The following ASPHD1 variants were observed in gnomAD, a reference collection of about 807,000 sequenced individuals.
ASPHD1 encodes the protein aspartate beta-hydroxylase domain containing 1.
In ASPHD1, 20 loss-of-function variants were observed where a neutral mutation model predicts 28.3. That is an observed-to-expected ratio of 0.71 (90% CI 0.50 to 1.03). The LOEUF (loss-of-function observed/expected upper bound fraction) is 1.03, where lower values mean the gene tolerates loss of function less well. ASPHD1 is among the 50% of genes least tolerant of loss of function. The pLI is 0.00. For synonymous variants in ASPHD1, 240 were observed against 221.2 expected (o/e 1.08, Z -0.75); for missense variants, 479 against 524.1 (o/e 0.91, Z 0.84).
At chr16:29,906,711 G>T, downstream of ASPHD1, 1 of 685,540 alleles carries the variant, frequency 1.5e-6, no homozygotes, top group African/African-American at 1.7e-5. Flanking sequence ...ATGGGGTTGG[G>T]ATGGGTGGAG....
rs763725447 is a variant in ASPHD1 at position 29,901,191 on chromosome 16, C to G, written c.220C>G (p.Pro74Ala). Residue 74 changes from proline to alanine, a missense_variant, in exon 1 of 3, where the codon CCC becomes GCC. Coordinates refer to ENST00000308748, the MANE Select transcript of ASPHD1 (RefSeq NM_181718.4). The surrounding 1 kb of genome is among the most constrained non-coding windows in gnomAD (Gnocchi z 5.1). ...CCTGATCATGCTCCCGTGGCCACTA[C>G]CCCTGGCCTCCTCGGCCCTCACCTT... ...ASLIMLPWPLPLASSALTLLF... is the reference protein window; with the variant it reads ...ASLIMLPWPLALASSALTLLF... 4 of 1,613,684 alleles carry G rather than the reference C, an allele frequency of 2.5e-6. No individual in the cohort carries two copies. Among genetic ancestry groups the G allele is most frequent in the Non-Finnish European group, 2.5e-6 (3 of 1,179,796 alleles).
At chr16:29,918,906 C>T (rs1301310951) in intron 3 of ASPHD1, among the ~76,000 whole-genome samples, 2 of 151,430 alleles carry the variant, frequency 1.3e-5, no homozygotes, top group Non-Finnish European at 2.9e-5. Flanking sequence ...GATCCACCTG[C>T]CTCAGCCTCC....
chr16:29,912,292 T>A (rs1421391832), intron 3 of ASPHD1: 2 of 562,678 alleles, frequency 3.6e-6, no homozygotes, highest in Non-Finnish European at 6.2e-6. Context: ...GCTGTGCCCC[T>A]GCCCGGGATG....
chr16:29,906,714 G>A (rs1028390405), downstream of ASPHD1: 3 of 684,834 alleles, frequency 4.4e-6, no homozygotes, highest in African/African-American at 1.8e-5. Flanking sequence ...GGGTTGGGAT[G>A]GGTGGAGAAG....
In ASPHD1 at chr16:29,905,292, T is replaced by C. The variant is rs1407972157; in HGVS notation, c.1063+327T>C. The C allele has an allele frequency of 8.1e-4, 201 of 248,560 alleles. 4 individuals carry two copies. The highest frequency in any genetic ancestry group is 1.3e-4 in the Non-Finnish European group (17 of 128,772). The allele number at this position is 248,560 out of a possible 1,614,324, so 15.4% of individuals were successfully genotyped here. On this transcript the variant is annotated intron_variant, in intron 2 of 2. Coordinates refer to ENST00000308748, the MANE Select transcript of ASPHD1 (RefSeq NM_181718.4). ...TCTGTTGCTTTGTATAAAATAGGGA[T>C]AATTATGGTAATACCACAGTTTGTT... is the stretch of plus-strand genomic sequence containing the variant.
rs2068607314 is a variant in ASPHD1 at position 29,906,050 on chromosome 16, C to T, written c.*153C>T. 2 of 551,796 alleles carry T rather than the reference C, an allele frequency of 3.6e-6. No individual in the cohort carries two copies. Among genetic ancestry groups the T allele is most frequent in the South Asian group, 2.6e-5 (1 of 38,560 alleles). The allele number at this position is 551,796 out of a possible 1,614,324, so 34.2% of individuals were successfully genotyped here. ...CACTGAAATATAAATTCTGAATCCT[C>T]TCCTAACTCCCGACTACTTCCTTCG... On this transcript the variant is annotated 3_prime_UTR_variant, in exon 3 of 3. Coordinates refer to ENST00000308748, the MANE Select transcript of ASPHD1 (RefSeq NM_181718.4).
At chr16:29,916,029 C>G (rs2068803404) in intron 3 of ASPHD1, among the ~76,000 whole-genome samples, 1 of 152,138 alleles carries the variant, frequency 6.6e-6, no homozygotes, top group South Asian at 2.1e-4. Flanking sequence ...CCAGGTGGCA[C>G]CTTCAACATT....
Position 29,900,515 on chromosome 16 carries a change from A to C in ASPHD1, c.-457A>C. On this transcript the variant is annotated 5_prime_UTR_variant, in exon 1 of 3. Transcript: ENST00000308748. ...CCGGCTGATTTGCTGTGCCACTGGG[A>C]GGGTTCGGGGGTGGCTGAGCTGAGA... 1 of 162,822 alleles carries C rather than the reference A, an allele frequency of 6.1e-6. No homozygotes were observed. The highest frequency in any genetic ancestry group is 1.3e-5 in the Non-Finnish European group (1 of 74,440). The allele number at this position is 162,822 out of a possible 1,614,324, so 10.1% of individuals were successfully genotyped here. A position where few individuals can be genotyped will look rare whatever the true frequency, so the allele number is the denominator to read the frequency against.
At chr16:29,912,397 C>CT in intron 3 of ASPHD1, 1 of 392,128 alleles carries the variant, frequency 2.6e-6, no homozygotes, top group South Asian at 3.1e-5. Context: ...CCCAGCCCCC[C>CT]TGGCTAAAAC....
At chr16:29,911,118 G>A (rs2150834634) in intron 3 of ASPHD1, 3 of 1,614,142 alleles carry the variant, frequency 1.9e-6, no homozygotes, top group Middle Eastern at 1.6e-4. Flanking sequence ...CCGTGGAAGC[G>A]CAGGGCCAGC....
intron 3 of ASPHD1, chr16:29,911,887 G>A (rs1238568428): frequency 6.2e-7 from 1 of 1,611,442 alleles, no homozygotes; most frequent in Admixed American, 1.7e-5. Flanking sequence ...GAGAGAGGAT[G>A]GACGAGAGGG....
rs986459808 is a variant in ASPHD1 at position 29,905,995 on chromosome 16, G to A, written c.*98G>A. 23 of 705,260 alleles carry A rather than the reference G, an allele frequency of 3.3e-5. No individual in the cohort carries two copies. The highest frequency in any genetic ancestry group is 3.3e-4 in the Middle Eastern group (1 of 3,072). 43.7% of individuals were successfully genotyped at this position (705,260 alleles called of 1,614,324 possible). On this transcript the variant is annotated 3_prime_UTR_variant, in exon 3 of 3. Transcript: ENST00000308748. ...CCTCCTCTCTACTGCGGGGGTGGGCGGGGGCGGAGGATGGGAACTGGCTAG... is the reference window on the plus strand; with the variant it reads ...CCTCCTCTCTACTGCGGGGGTGGGCAGGGGCGGAGGATGGGAACTGGCTAG...
intron 3 of ASPHD1, chr16:29,912,243 C>A: frequency 1.6e-6 from 1 of 612,688 alleles, no homozygotes; most frequent in Non-Finnish European, 2.9e-6. Flanking sequence ...GGACACCTTG[C>A]TGCTTCACAC....
rs1485486868 is a variant in ASPHD1, at chr16:29,905,009, G to A, written c.1063+44G>A. 5 of 1,448,182 alleles carry A rather than the reference G, an allele frequency of 3.5e-6. No homozygotes were observed. In the African/African-American group the frequency reaches 4.2e-5, roughly 12 times the overall value. The allele number at this position is 1,448,182 out of a possible 1,614,324, so 89.7% of individuals were successfully genotyped here. Reference sequence around the variant, plus strand: ...TGCAGGGGGGATGAGGGACTCAGGAGCAAAGGAGCGTTGACTAGAAGGCAG... The same window carrying A: ...TGCAGGGGGGATGAGGGACTCAGGAACAAAGGAGCGTTGACTAGAAGGCAG... On this transcript the variant is annotated intron_variant, in intron 2 of 2. Coordinates refer to ENST00000308748, the MANE Select transcript of ASPHD1 (RefSeq NM_181718.4).
At chr16:29,910,224 C>T (rs1227005128), downstream of ASPHD1, among the ~76,000 whole-genome samples, 2 of 151,296 alleles carry the variant, frequency 1.3e-5, no homozygotes, top group African/African-American at 2.4e-5. Context: ...ATGGTGAAAC[C>T]CCGTTTCTAC....
chr16:29,906,556 T>C (rs757434201), downstream of ASPHD1: 1 of 506,666 alleles, frequency 2.0e-6, no homozygotes, highest in South Asian at 1.5e-5. Flanking sequence ...CACTTTGGCA[T>C]GGACGATGCA....
At chr16:29,913,119 CCA>C (rs1054069586) in intron 3 of ASPHD1, 1 of 148,458 alleles carries the variant, frequency 6.7e-6, no homozygotes, top group Non-Finnish European at 1.5e-5. Flanking sequence ...ATTACTGAGG[CCA>C]TTTTTTTTTT....
intron 3 of ASPHD1, chr16:29,912,332 T>G: frequency 3.9e-6 from 2 of 518,744 alleles, no homozygotes; most frequent in South Asian, 5.0e-5. Flanking sequence ...GCGTGGCGTG[T>G]CCGTCATGCC....
At chr16:29,911,638 G>A (rs1370446684) in intron 3 of ASPHD1, 2 of 631,270 alleles carry the variant, frequency 3.2e-6, no homozygotes, top group Non-Finnish European at 5.6e-6. Flanking sequence ...CTGAGCTGAA[G>A]CTGAGAAGCA....
Sources: gnomAD v4.1 joint callset for allele counts (sites outside exome capture counted in the v4.1 genomes callset) on GRCh38, gnomAD v4.1.1 for gene constraint, Gnocchi (gnomAD v3.1) non-coding constraint, MANE v1.5 for transcripts, NCBI Gene and HGNC (gene_info 2026-07-23, HGNC 2026-07-21) for gene names.